Variants in SLC6A14 observed in about 807,000 individuals in gnomAD.
The protein encoded by SLC6A14 is solute carrier family 6 member 14.
Under a neutral mutation model 51.4 loss-of-function variants are expected in SLC6A14, and 21 were observed. The ratio of observed to expected loss-of-function variants is 0.41; its 90% CI spans 0.29 to 0.59. SLC6A14 has a LOEUF of 0.59. Among genes scored for constraint, SLC6A14 ranks in the 20% least tolerant of loss-of-function variants. SLC6A14 has a pLI of 0.31. For missense variants in SLC6A14, 371 were observed against 472.8 expected (o/e 0.78, Z 2.00); for synonymous variants, 177 against 160.7 (o/e 1.10, Z -0.77).
intron 6 of SLC6A14, among the ~76,000 whole-genome samples, chrX:116,445,505 A>AGAGAGAGAGAGAG (rs1556693962): frequency 1.2e-4 from 10 of 86,112 alleles, no homozygotes; most frequent in Non-Finnish European, 1.9e-4. Flanking sequence ...AGAGAGAGAG[A>AGAGAGAGAGAGAG]AATGTGTGTG....
chrX:116,453,985 C>A (rs1927874690), intron 9 of SLC6A14, among the ~76,000 whole-genome samples: 1 of 111,604 alleles, frequency 9.0e-6, no homozygotes, highest in Non-Finnish European at 1.9e-5. Context: ...TCTGTTTCCA[C>A]ACCACTGATT....
intron 2 of SLC6A14, among the ~76,000 whole-genome samples, chrX:116,438,616 A>G (rs1927532484): frequency 8.9e-6 from 1 of 111,970 alleles, no homozygotes; most frequent in South Asian, 3.7e-4. Flanking sequence ...TCAATTAGAA[A>G]AAGGAGAGAA....
chrX:116,458,961 C>T lies in SLC6A14; in HGVS notation c.*6C>T. 1 of 1,181,139 alleles carries T rather than the reference C, an allele frequency of 8.5e-7. No homozygotes were observed. Among genetic ancestry groups the T allele is most frequent in the African/African-American group, 1.8e-5 (1 of 55,986 alleles). On this transcript the variant is annotated 3_prime_UTR_variant, in exon 14 of 14. Coordinates refer to ENST00000598581, the MANE Select transcript of SLC6A14 (RefSeq NM_007231.5). ...GCAGCAGAAAACCGGAATGAGATCT[C>T]ATTGAAAAAAATATATGATTGTATA...
At chrX:116,446,594 A>G (rs1177771689) in intron 6 of SLC6A14, 147 bp from the exon 7 acceptor site, 1 of 400,824 alleles carries the variant, frequency 2.5e-6, no homozygotes, top group Non-Finnish European at 4.3e-6. Context: ...ATAAGAAATT[A>G]TGCTAACTTT....
intron 13 of SLC6A14, among the ~76,000 whole-genome samples, chrX:116,458,143 T>C (rs1301428411): frequency 9.0e-6 from 1 of 111,545 alleles, no homozygotes; most frequent in Non-Finnish European, 1.9e-5. Flanking sequence ...TTTATATCCA[T>C]AGTCACTGCT....
At chrX:116,447,591 C>CTTTTTTTTTTTTTTTTTTTTTTTTTT (rs782273399) in intron 7 of SLC6A14, among the ~76,000 whole-genome samples, 2 of 91,939 alleles carry the variant, frequency 2.2e-5, no homozygotes, top group African/African-American at 8.1e-5. Flanking sequence ...GCTTTCACTT[C>CTTTTTTTTTTTTTTTTTTTTTTTTTT]TTTTTTTTTT....
At chrX:116,447,318 G>A (rs782544669) in intron 7 of SLC6A14, among the ~76,000 whole-genome samples, 9 of 111,488 alleles carry the variant, frequency 8.1e-5, no homozygotes, top group East Asian at 2.8e-4. Flanking sequence ...TTTAATATTT[G>A]CAAAATATTA....
In SLC6A14 at chrX:116,451,602, C is replaced by T; in HGVS notation, c.1091C>T (p.Ala364Val). 8.3e-7 allele frequency: 1 copy of T among 1,209,562 alleles called. No individual in the cohort carries two copies. Among genetic ancestry groups the T allele is most frequent in the East Asian group, 3.0e-5 (1 of 33,762 alleles). ...CTCACTAGCGTGTTTGCTGGATTTGCTATTTTTTCTATATTGGGACACATG... is the reference window on the plus strand; with the variant it reads ...CTCACTAGCGTGTTTGCTGGATTTGTTATTTTTTCTATATTGGGACACATG... ...NCLTSVFAGFAIFSILGHMAH... is the reference protein window; with the variant it reads ...NCLTSVFAGFVIFSILGHMAH... Residue 364 changes from alanine (A) to valine (V), a missense_variant, in exon 8 of 14, where the codon GCT (alanine) becomes GTT (valine). Transcript: ENST00000598581.
chrX:116,442,865 C>T lies in SLC6A14; in HGVS notation c.508+17C>T, dbSNP rs1235499484. 14 of 1,105,050 alleles carry T rather than the reference C, an allele frequency of 1.3e-5. No individual in the cohort carries two copies. The highest frequency in any genetic ancestry group is 1.7e-5 in the Non-Finnish European group (14 of 825,126). 91.1% of individuals were successfully genotyped at this position (1,105,050 alleles called of 1,213,427 possible). A position where few individuals can be genotyped will look rare whatever the true frequency, so the allele number is the denominator to read the frequency against. On this transcript the variant is annotated intron_variant, in intron 4 of 13. Transcript: ENST00000598581. The stretch of plus-strand genomic sequence containing the variant: ...CACCAATAGGTAAAATTTGTCAACA[C>T]CCAAATAGTTCTTTTATATATATTT...
chrX:116,455,794 A>G (rs185392625), intron 12 of SLC6A14, among the ~76,000 whole-genome samples: 18 of 111,763 alleles, frequency 1.6e-4, no homozygotes, highest in Non-Finnish European at 1.9e-5. Context: ...ATGTTGAGCC[A>G]TCAATAATAT....
intron 7 of SLC6A14, among the ~76,000 whole-genome samples, chrX:116,447,258 T>C (rs73638817): frequency 3.9e-3 from 439 of 112,192 alleles, no homozygotes; most frequent in African/African-American, 0.013. Flanking sequence ...GCTTTAGAGA[T>C]TACTGTTGAA....
chrX:116,460,474 C>G lies in SLC6A14; in HGVS notation c.*1519C>G, dbSNP rs868957985. ...TGAAGGTAGGTAAATAGGTAGGCCT[C>G]TAATTGAACCACCTCTCTAAGTTAT... is the stretch of plus-strand genomic sequence containing the variant. On this transcript the variant is annotated 3_prime_UTR_variant, in exon 14 of 14. Transcript: ENST00000598581. 8 of 109,115 alleles carry G rather than the reference C, an allele frequency of 7.3e-5. No homozygotes were observed. Among genetic ancestry groups the G allele is most frequent in the Admixed American group, 5.9e-4 (6 of 10,170 alleles). 9.0% of individuals were successfully genotyped at this position (109,115 alleles called of 1,213,427 possible).
chrX:116,444,468 G>A (rs782384502), intron 5 of SLC6A14, among the ~76,000 whole-genome samples: 5 of 111,858 alleles, frequency 4.5e-5, no homozygotes, highest in South Asian at 7.3e-4. Context: ...TGGAAAAGGC[G>A]TGAATAACAG....
At chrX:116,447,875 G>C (rs1255202195) in intron 7 of SLC6A14, among the ~76,000 whole-genome samples, 4 of 111,516 alleles carry the variant, frequency 3.6e-5, no homozygotes, top group Non-Finnish European at 7.5e-5. Flanking sequence ...GGGATTACAG[G>C]TGTGAGCCAC....
At chrX:116,456,791 C>G (rs1602516028) in intron 12 of SLC6A14, among the ~76,000 whole-genome samples, 1 of 110,990 alleles carries the variant, frequency 9.0e-6, no homozygotes, top group South Asian at 3.7e-4. Context: ...ATTGTTTTCT[C>G]GCTGATTTTA....
At chrX:116,455,574 AT>A (rs1927918478) in intron 12 of SLC6A14, 108 bp downstream of exon 12, 1 of 572,518 alleles carries the variant, frequency 1.7e-6, no homozygotes, top group South Asian at 3.3e-5. Context: ...TAAAGGAATG[AT>A]TTTCAAGTTT....
In SLC6A14 at chrX:116,454,374, A is replaced by G. The variant is rs1556694607; in HGVS notation, c.1336A>G (p.Met446Val). 1.7e-6 allele frequency: 2 copies of G among 1,206,386 alleles called. No homozygotes were observed. The highest frequency in any genetic ancestry group is 2.2e-6 in the Non-Finnish European group (2 of 892,305). Residue 446 changes from methionine to valine, a missense_variant, in exon 10 of 14, where the codon ATG (methionine) becomes GTG (valine). Around this residue, in one of 2 missense-constraint regions of SLC6A14, gnomAD observed 277 missense variants for 391.8 expected, o/e 0.71. Transcript: ENST00000598581. Reference protein sequence around the residue: ...QDLFPKVMKKMRVPITLGCCL... With the variant: ...QDLFPKVMKKVRVPITLGCCL... ...TTTATTTCCCAAAGTGATGAAGAAA[A>G]TGAGGGTTCCCATAACTTTGGGCTG...
intron 10 of SLC6A14, among the ~76,000 whole-genome samples, chrX:116,454,652 C>G (rs1927889805): frequency 9.0e-6 from 1 of 110,864 alleles, no homozygotes; most frequent in Non-Finnish European, 1.9e-5. Context: ...TGGACAGTTA[C>G]TTCAGTTACA....
chrX:116,441,764 A>C (rs1307086902), intron 3 of SLC6A14, among the ~76,000 whole-genome samples: 1 of 111,931 alleles, frequency 8.9e-6, no homozygotes, highest in African/African-American at 3.3e-5. Flanking sequence ...TGAGCATTGG[A>C]GTTATATTCA....
Sources: allele counts gnomAD v4.1 joint callset (sites outside exome capture counted in the v4.1 genomes callset), GRCh38; gene constraint gnomAD v4.1.1; regional missense constraint gnomAD v4.1.1; transcripts MANE v1.5; gene names NCBI Gene and HGNC (gene_info 2026-07-23, HGNC 2026-07-21).